The following TMEM117 variants were observed in gnomAD, a reference collection of about 807,000 sequenced individuals.
The protein encoded by TMEM117 is transmembrane protein 117.
A neutral mutation model predicts 52.4 loss-of-function variants in TMEM117; 27 were observed. The observed-to-expected ratio is 0.51, with a 90% confidence interval of 0.38 to 0.71. The LOEUF is 0.71. Ranked by LOEUF, TMEM117 falls within the 30% of genes least tolerant of loss-of-function variation. The probability of loss-of-function intolerance (pLI) is 0.00; values close to 1 mark genes in which losing one functional copy is unlikely to be tolerated. For missense variants in TMEM117, 556 were observed against 630.5 expected (o/e 0.88, Z 1.26); for synonymous variants, 215 against 206.3 (o/e 1.04, Z -0.36).
intron 2 of TMEM117, among the ~76,000 whole-genome samples, chr12:43,880,835 TAAG>T (rs1943883040): frequency 6.6e-6 from 1 of 152,260 alleles, no homozygotes; most frequent in South Asian, 2.1e-4. Context: ...TATGGCCTAA[TAAG>T]AAGTCAACCC....
At chr12:43,989,645 C>A (rs1945905877) in intron 3 of TMEM117, among the ~76,000 whole-genome samples, 1 of 151,922 alleles carries the variant, frequency 6.6e-6, no homozygotes, top group Non-Finnish European at 1.5e-5. Flanking sequence ...CAATTGTTTT[C>A]TCTGTTAGGG....
chr12:44,085,985 G>A (rs1268140309), intron 3 of TMEM117, among the ~76,000 whole-genome samples: 2 of 152,110 alleles, frequency 1.3e-5, no homozygotes, highest in African/African-American at 4.8e-5. Flanking sequence ...AGGATACAGA[G>A]AATAGCACAG....
chr12:44,332,934 T>A (rs777542109), intron 6 of TMEM117, among the ~76,000 whole-genome samples: 2 of 152,094 alleles, frequency 1.3e-5, no homozygotes, highest in Admixed American at 1.3e-4. Context: ...TAAAATAATT[T>A]ATATAAAGCT....
At chr12:44,194,018 T>C (rs1949387420) in intron 4 of TMEM117, among the ~76,000 whole-genome samples, 1 of 152,172 alleles carries the variant, frequency 6.6e-6, no homozygotes, top group South Asian at 2.1e-4. Flanking sequence ...GAATTATCTA[T>C]ATAGAACATA....
intron 3 of TMEM117, among the ~76,000 whole-genome samples, chr12:44,005,336 A>G (rs984339257): frequency 6.6e-6 from 1 of 152,254 alleles, no homozygotes; most frequent in African/African-American, 2.4e-5. Flanking sequence ...TACTAAATAT[A>G]TAGAAGCCTT....
At chr12:44,053,649 C>A (rs1297576715) in intron 3 of TMEM117, among the ~76,000 whole-genome samples, 1 of 152,128 alleles carries the variant, frequency 6.6e-6, no homozygotes, top group Non-Finnish European at 1.5e-5. Context: ...CATCCATGAA[C>A]CACTTTGCTG....
At chr12:44,035,415 G>A (rs542165884) in intron 3 of TMEM117, among the ~76,000 whole-genome samples, 2 of 152,262 alleles carry the variant, frequency 1.3e-5, no homozygotes, top group East Asian at 3.9e-4. Context: ...ATTTGAAGAT[G>A]AATAAAATAC....
chr12:43,843,255 G>C (rs1432455161), intron 1 of TMEM117, among the ~76,000 whole-genome samples: 3 of 152,100 alleles, frequency 2.0e-5, no homozygotes, highest in Admixed American at 1.3e-4. Context: ...TCAAATTTTT[G>C]TCTGTATTAT....
At chr12:44,292,000 T>C (rs1950711313) in intron 5 of TMEM117, among the ~76,000 whole-genome samples, 1 of 152,044 alleles carries the variant, frequency 6.6e-6, no homozygotes, top group East Asian at 1.9e-4. Flanking sequence ...GCTAGCTTCT[T>C]AAAATGAGAT....
intron 3 of TMEM117, among the ~76,000 whole-genome samples, chr12:43,981,579 A>G (rs953373601): frequency 6.6e-6 from 1 of 152,160 alleles, no homozygotes; most frequent in Non-Finnish European, 1.5e-5. Context: ...TATCAGGGAG[A>G]ATATAGATAA....
intron 6 of TMEM117, among the ~76,000 whole-genome samples, chr12:44,348,269 A>G (rs1005895344): frequency 9.1e-4 from 36 of 39,536 alleles, no homozygotes; most frequent in African/African-American, 2.7e-3. Flanking sequence ...TTTAAGAATG[A>G]AAAAAAAAAA....
chr12:44,088,070 CT>C (rs1381029031), intron 3 of TMEM117, among the ~76,000 whole-genome samples: 3 of 152,156 alleles, frequency 2.0e-5, no homozygotes, highest in African/African-American at 7.2e-5. Context: ...TCATATGTCC[CT>C]TAGCCTCTGG....
chr12:44,333,690 C>T (rs1287284219), intron 6 of TMEM117, among the ~76,000 whole-genome samples: 1 of 152,014 alleles, frequency 6.6e-6, no homozygotes, highest in Non-Finnish European at 1.5e-5. Flanking sequence ...GTCAATTAAA[C>T]CTGTTTCTTT....
At chr12:44,317,973 C>T (rs984767364) in intron 6 of TMEM117, among the ~76,000 whole-genome samples, 2 of 152,192 alleles carry the variant, frequency 1.3e-5, no homozygotes, top group African/African-American at 2.4e-5. Flanking sequence ...GGCCACCTAG[C>T]GCCCAGAGGT....
chr12:43,888,715 T>C (rs994639131), intron 2 of TMEM117, among the ~76,000 whole-genome samples: 1 of 151,110 alleles, frequency 6.6e-6, no homozygotes, highest in South Asian at 2.1e-4. Flanking sequence ...ACCTGGCTAA[T>C]TTTTTTGTAT....
At chr12:44,192,758 A>G (rs138745909) in intron 4 of TMEM117, among the ~76,000 whole-genome samples, 1,536 of 152,338 alleles carry the variant, frequency 0.01, 10 homozygotes, top group African/African-American at 0.016. Context: ...ATTGTATTTA[A>G]TCTGCATCCT....
intron 3 of TMEM117, among the ~76,000 whole-genome samples, chr12:44,080,383 C>G (rs959151986): frequency 6.6e-6 from 1 of 152,120 alleles, no homozygotes; most frequent in African/African-American, 2.4e-5. Context: ...TGAGAACTCA[C>G]TATCATGAGA....
At chr12:44,312,374 T>C (rs1313040715) in intron 6 of TMEM117, among the ~76,000 whole-genome samples, 1 of 152,168 alleles carries the variant, frequency 6.6e-6, no homozygotes, top group Non-Finnish European at 1.5e-5. Flanking sequence ...TGGTTTTCTG[T>C]TCCTATGTTA....
intron 3 of TMEM117, among the ~76,000 whole-genome samples, chr12:44,106,028 C>A (rs1402796893): frequency 2.6e-5 from 4 of 152,016 alleles, no homozygotes; most frequent in Non-Finnish European, 5.9e-5. Flanking sequence ...AGCAATTTAT[C>A]AATTACAGTT....
Sources: gnomAD v4.1 joint callset for allele counts (sites outside exome capture counted in the v4.1 genomes callset) on GRCh38, gnomAD v4.1.1 for gene constraint, MANE v1.5 for transcripts, NCBI Gene and HGNC (gene_info 2026-07-23, HGNC 2026-07-21) for gene names.